The following TRHDE variants were observed in gnomAD, a reference collection of about 807,000 sequenced individuals.
TRHDE encodes the protein thyrotropin releasing hormone degrading enzyme.
Under a neutral mutation model 125.7 loss-of-function variants are expected in TRHDE, and 72 were observed. The ratio of observed to expected loss-of-function variants is 0.57; its 90% CI spans 0.47 to 0.70. TRHDE has a LOEUF of 0.70. TRHDE is among the 30% of genes least tolerant of loss of function. The pLI is 0.00. For synonymous variants in TRHDE, 509 were observed against 509.1 expected (o/e 1.00, Z 0.00); for missense variants, 1,110 against 1,327.1 (o/e 0.84, Z 2.54).
At chr12:72,276,353 T>C (rs1686327792) in intron 1 of TRHDE, among the ~76,000 whole-genome samples, 1 of 152,224 alleles carries the variant, frequency 6.6e-6, no homozygotes. Flanking sequence ...AAAACAAATA[T>C]GTAATCTGAT....
At chr12:72,504,759 G>A (rs1457186964) in intron 6 of TRHDE, among the ~76,000 whole-genome samples, 1 of 152,202 alleles carries the variant, frequency 6.6e-6, no homozygotes, top group African/African-American at 2.4e-5. Flanking sequence ...AGATTGTAGA[G>A]ACTGGAGTTG....
intron 2 of TRHDE, among the ~76,000 whole-genome samples, chr12:72,308,374 G>T (rs1314626943): frequency 6.6e-6 from 1 of 152,114 alleles, no homozygotes; most frequent in Non-Finnish European, 1.5e-5. Flanking sequence ...GTGGATGTGT[G>T]TGGCATAGAG....
intron 2 of TRHDE, among the ~76,000 whole-genome samples, chr12:72,132,576 T>C (rs1199115419): frequency 6.6e-6 from 1 of 152,174 alleles, no homozygotes; most frequent in Non-Finnish European, 1.5e-5. Flanking sequence ...TTGCACTCTC[T>C]CTCCAACAAC....
intron 1 of TRHDE, among the ~76,000 whole-genome samples, chr12:72,277,030 A>G (rs2139413874): frequency 6.6e-6 from 1 of 152,352 alleles, no homozygotes; most frequent in Non-Finnish European, 1.5e-5. Context: ...TGAAAGGGAA[A>G]TATAGCCAAG....
chr12:72,643,002 A>C (rs149324512), intron 15 of TRHDE, among the ~76,000 whole-genome samples: 15 of 152,364 alleles, frequency 9.8e-5, no homozygotes, highest in African/African-American at 3.4e-4. Flanking sequence ...TTTCATTAAC[A>C]ATGGAAGTCA....
chr12:72,356,105 A>ATTT lies in TRHDE; in HGVS notation c.1189-21890_1189-21889insTTT, dbSNP rs576557701. Among the ~76,000 whole-genome samples, 33 of 151,938 alleles carry ATTT rather than the reference A, an allele frequency of 2.2e-4. No individual in the cohort carries two copies. The South Asian group carries it at 6.4e-3, about 30-fold the overall frequency. ...CATGCAAGAGAATGTTCATTGCAGC[A>ATTT]CTATTCACAATAGAAAAGACATGGG... is the stretch of plus-strand genomic sequence containing the variant. On this transcript the variant is annotated intron_variant, in intron 2 of 18. Coordinates refer to ENST00000261180, the MANE Select transcript of TRHDE (RefSeq NM_013381.3).
chr12:72,613,900 G>C (rs1313797598), intron 12 of TRHDE, among the ~76,000 whole-genome samples: 1 of 152,068 alleles, frequency 6.6e-6, no homozygotes, highest in African/African-American at 2.4e-5. Flanking sequence ...GGTTTAATTG[G>C]CTCACAATTT....
rs1875005788 is a variant in TRHDE, at chr12:72,663,656, A to G, written c.*461A>G. 6.5e-6 allele frequency: 1 copy of G among 152,696 alleles called. No homozygotes were observed. 9.5% of individuals were successfully genotyped at this position (152,696 alleles called of 1,614,324 possible). On this transcript the variant is annotated 3_prime_UTR_variant, in exon 19 of 19. Transcript: ENST00000261180. ...CATTATGCAAAAGCACAAAGATTAT[A>G]TATGACAATCAGTATTGCAATGAAA...
chr12:72,471,233 C>T (rs555140750), intron 4 of TRHDE, among the ~76,000 whole-genome samples: 13 of 152,124 alleles, frequency 8.5e-5, no homozygotes, highest in African/African-American at 3.1e-4. Flanking sequence ...TTTTATCTGC[C>T]TTGTTGACCA....
chr12:72,417,839 A>T (rs1873795020), intron 3 of TRHDE, among the ~76,000 whole-genome samples: 1 of 151,960 alleles, frequency 6.6e-6, no homozygotes, highest in Non-Finnish European at 1.5e-5. Context: ...AGATTTCATT[A>T]GTCTTTCTCA....
intron 2 of TRHDE, among the ~76,000 whole-genome samples, chr12:72,201,512 A>C (rs1267865027): frequency 2.6e-5 from 4 of 152,228 alleles, no homozygotes; most frequent in Non-Finnish European, 4.4e-5. Context: ...TCTAGGCTCC[A>C]GACCCTCTGA....
chr12:72,585,252 CTTT>C (rs1871391390), intron 12 of TRHDE, among the ~76,000 whole-genome samples: 1 of 152,160 alleles, frequency 6.6e-6, no homozygotes, highest in Non-Finnish European at 1.5e-5. Flanking sequence ...TCTCTTTCTT[CTTT>C]GTCTTACATT....
At chr12:72,542,836 T>G (rs1005019439) in intron 7 of TRHDE, among the ~76,000 whole-genome samples, 1 of 151,334 alleles carries the variant, frequency 6.6e-6, no homozygotes, top group African/African-American at 2.4e-5. Flanking sequence ...TTATTTTAAT[T>G]AGAAAATATG....
intron 1 of TRHDE, among the ~76,000 whole-genome samples, chr12:72,091,014 C>T (rs1295691098): frequency 3.3e-5 from 5 of 152,042 alleles, no homozygotes; most frequent in East Asian, 3.9e-4. Flanking sequence ...GAACTAGAGG[C>T]GTGCACCACC....
intron 2 of TRHDE, among the ~76,000 whole-genome samples, chr12:72,197,189 C>G (rs989472945): frequency 2.6e-5 from 4 of 152,100 alleles, no homozygotes; most frequent in African/African-American, 9.7e-5. Context: ...GTAGCTCCTT[C>G]TCAGATTTTC....
chr12:72,387,631 T>G (rs1032681560), intron 3 of TRHDE, among the ~76,000 whole-genome samples: 2 of 152,122 alleles, frequency 1.3e-5, no homozygotes, highest in Admixed American at 6.5e-5. Context: ...TTGACTGTGT[T>G]CCCACCCAAA....
At chr12:72,183,427 C>T (rs955175936) in intron 2 of TRHDE, among the ~76,000 whole-genome samples, 8 of 152,270 alleles carry the variant, frequency 5.3e-5, no homozygotes, top group Non-Finnish European at 8.8e-5. Flanking sequence ...AATTATTAAA[C>T]GCTTTCTTTA....
intron 2 of TRHDE, among the ~76,000 whole-genome samples, chr12:72,152,629 C>T (rs1876396356): frequency 6.6e-6 from 1 of 152,164 alleles, no homozygotes. Flanking sequence ...TTGTCAAAGG[C>T]CTTTTCTGCA....
chr12:72,100,626 G>A (rs1176988620), intron 1 of TRHDE, among the ~76,000 whole-genome samples: 1 of 152,156 alleles, frequency 6.6e-6, no homozygotes, highest in Non-Finnish European at 1.5e-5. Flanking sequence ...GAGAAATAAA[G>A]ATTTCTGAAA....
Sources: gnomAD v4.1 joint callset for allele counts (sites outside exome capture counted in the v4.1 genomes callset) on GRCh38, gnomAD v4.1.1 for gene constraint, MANE v1.5 for transcripts, NCBI Gene and HGNC (gene_info 2026-07-23, HGNC 2026-07-21) for gene names.